The following CUBN variants were observed in gnomAD, a reference collection of about 807,000 sequenced individuals.
CUBN encodes the protein 460 kDa receptor.
CUBN carries 282 observed loss-of-function variants against 405.3 expected under a neutral mutation model. That is an observed-to-expected ratio of 0.70 (90% CI 0.63 to 0.77). The LOEUF (loss-of-function observed/expected upper bound fraction) is 0.77, where lower values mean the gene tolerates loss of function less well. Among genes scored for constraint, CUBN ranks in the 30% least tolerant of loss-of-function variants. The probability of loss-of-function intolerance (pLI) is 0.00; values close to 1 mark genes in which losing one functional copy is unlikely to be tolerated. For synonymous variants in CUBN, 1,684 were observed against 1,617.0 expected (o/e 1.04, Z -0.99); for missense variants, 4,514 against 4,475.2 (o/e 1.01, Z -0.25).
At chr10:17,052,049 CG>C (rs113043763) in intron 22 of CUBN, among the ~76,000 whole-genome samples, 2 of 151,628 alleles carry the variant, frequency 1.3e-5, no homozygotes, top group African/African-American at 4.8e-5. Flanking sequence ...CCAGTTGGGG[CG>C]GGGGGGAAGC....
chr10:17,017,135 A>T (rs1437870508), intron 28 of CUBN, among the ~76,000 whole-genome samples: 1 of 152,104 alleles, frequency 6.6e-6, no homozygotes, highest in Non-Finnish European at 1.5e-5. Flanking sequence ...CATCTGAAAG[A>T]CAAAACTGCC....
chr10:17,005,811 T>C (rs1311708353), intron 28 of CUBN, among the ~76,000 whole-genome samples: 1 of 152,180 alleles, frequency 6.6e-6, no homozygotes, highest in Non-Finnish European at 1.5e-5. Context: ...CCAAAATTCA[T>C]ATGTTGAAGT....
At chr10:17,074,570 C>T (rs1449049444) in intron 17 of CUBN, among the ~76,000 whole-genome samples, 1 of 152,172 alleles carries the variant, frequency 6.6e-6, no homozygotes, top group Non-Finnish European at 1.5e-5. Flanking sequence ...TCCAGGATTA[C>T]AAGTAGAGTG....
At chr10:16,992,836 T>C (rs1303334262) in intron 28 of CUBN, among the ~76,000 whole-genome samples, 3 of 152,336 alleles carry the variant, frequency 2.0e-5, no homozygotes, top group Admixed American at 6.5e-5. Flanking sequence ...AAATTAGATG[T>C]GCTGACATTG....
chr10:16,853,293 T>C (rs1053990003), intron 59 of CUBN, among the ~76,000 whole-genome samples: 1 of 152,238 alleles, frequency 6.6e-6, no homozygotes, highest in Admixed American at 6.5e-5. Flanking sequence ...GCTTGTATTC[T>C]ACACAAATAT....
intron 40 of CUBN, among the ~76,000 whole-genome samples, chr10:16,930,679 T>C (rs572513924): frequency 6.6e-6 from 1 of 152,278 alleles, no homozygotes; most frequent in Admixed American, 6.5e-5. Flanking sequence ...CTGATTCATT[T>C]TGAACCATGG....
chr10:16,980,916 T>C (rs1011371240), intron 31 of CUBN, among the ~76,000 whole-genome samples: 5 of 151,354 alleles, frequency 3.3e-5, no homozygotes, highest in Admixed American at 6.6e-5. Flanking sequence ...CCCTTCAAAA[T>C]AGAACTTCAT....
chr10:17,118,073 A>C (rs1836947152), intron 6 of CUBN, among the ~76,000 whole-genome samples: 1 of 152,114 alleles, frequency 6.6e-6, no homozygotes, highest in African/African-American at 2.4e-5. Flanking sequence ...CTTTCTCTTT[A>C]TCTCTCTCTT....
At chr10:17,026,506 G>A (rs558153703) in intron 27 of CUBN, among the ~76,000 whole-genome samples, 56 of 152,082 alleles carry the variant, frequency 3.7e-4, no homozygotes, top group South Asian at 2.3e-3. Flanking sequence ...GGTGGCGTAC[G>A]CCTGTAGTCC....
At chr10:16,901,777 C>T (rs1210468772) in intron 51 of CUBN, among the ~76,000 whole-genome samples, 1 of 150,644 alleles carries the variant, frequency 6.6e-6, no homozygotes, top group Non-Finnish European at 1.5e-5. Flanking sequence ...TCGCTTGAAT[C>T]AGAAGGTGGA....
intron 60 of CUBN, among the ~76,000 whole-genome samples, chr10:16,849,971 T>C (rs1247961557): frequency 6.6e-6 from 1 of 152,240 alleles, no homozygotes; most frequent in Non-Finnish European, 1.5e-5. Flanking sequence ...TAGGCCATCT[T>C]ATTTCTTGCT....
At position 17,085,659 on chromosome 10, in the gene CUBN, T is replaced by A; in HGVS notation, c.2048A>T (p.His683Leu). The A allele has an allele frequency of 6.2e-7, 1 of 1,614,086 alleles. No individual in the cohort carries two copies. The highest frequency in any genetic ancestry group is 1.7e-5 in the Admixed American group (1 of 60,018). Residue 683 changes from histidine to leucine, a missense_variant, in exon 16 of 67, where the codon CAC becomes CTC. By Grantham distance (99) the His-to-Leu change is moderately conservative. Transcript: ENST00000377833. ...ACTAATCTGGGAGTCTGAATGGAAG[T>A]GAATTCTGGCAAAGGGGCCAGTAGT... ...LQTTGPFARI[H>L]FHSDSQISDQ...
intron 52 of CUBN, 51 bp from the exon 53 acceptor site, chr10:16,900,901 C>G (rs370260113): frequency 8.3e-6 from 10 of 1,198,290 alleles, no homozygotes; most frequent in African/African-American, 3.0e-5. Context: ...TCAACTGTTA[C>G]GAAGATAAGG....
intron 31 of CUBN, among the ~76,000 whole-genome samples, chr10:16,981,667 G>A (rs1173402457): frequency 6.6e-6 from 1 of 152,128 alleles, no homozygotes; most frequent in South Asian, 2.1e-4. Flanking sequence ...TCCCACCAGA[G>A]ATGAGGGACC....
At chr10:17,045,593 C>A (rs979144148) in intron 24 of CUBN, among the ~76,000 whole-genome samples, 2 of 151,976 alleles carry the variant, frequency 1.3e-5, no homozygotes, top group African/African-American at 4.8e-5. Flanking sequence ...CTATGTTGGC[C>A]AGGCTGGTTT....
At chr10:17,043,800 ACTT>A (rs775671763) in intron 26 of CUBN, 24 bp downstream of exon 26, 159 of 1,611,154 alleles carry the variant, frequency 9.9e-5, no homozygotes, top group Admixed American at 4.5e-4. Context: ...CAGTATACAC[ACTT>A]ACTCTGCCGG....
At chr10:17,056,119 T>C (rs904589303) in intron 22 of CUBN, among the ~76,000 whole-genome samples, 4 of 152,098 alleles carry the variant, frequency 2.6e-5, no homozygotes, top group Non-Finnish European at 1.5e-5. Flanking sequence ...GACCTACACA[T>C]GAACACAGGC....
intron 44 of CUBN, 63 bp from the exon 45 acceptor site, chr10:16,918,863 C>A (rs1262065381): frequency 7.1e-7 from 1 of 1,403,258 alleles, no homozygotes; most frequent in East Asian, 2.4e-5. Flanking sequence ...ATAATGACAA[C>A]CTTACTTACT....
In CUBN at chr10:16,915,103, A is replaced by G. The variant is rs748384713; in HGVS notation, c.7280T>C (p.Val2427Ala). The change falls in exon 47 of 67, where the codon GTG (valine) becomes GCG (alanine). Residue 2427 changes from valine to alanine, a missense_variant. Around this residue, in one of 5 missense-constraint regions of CUBN, gnomAD observed 1,613 missense variants for 1,542.8 expected, o/e 1.05. Coordinates refer to ENST00000377833, the MANE Select transcript of CUBN (RefSeq NM_001081.4). ...AGAGCCGTCTGTGACAAACCTGACC[A>G]CAGCAGTATTGCTAGAAGTGTCTAT... ...DSIDTSSNTA[V>A]VRFVTDGSVT... is the part of the protein sequence containing the mutation. 3.1e-6 allele frequency: 5 copies of G among 1,614,158 alleles called. No homozygotes were observed. Among genetic ancestry groups the G allele is most frequent in the Admixed American group, 3.3e-5 (2 of 60,022 alleles).
Sources: allele counts gnomAD v4.1 joint callset (sites outside exome capture counted in the v4.1 genomes callset), GRCh38; gene constraint gnomAD v4.1.1; regional missense constraint gnomAD v4.1.1; transcripts MANE v1.5; gene names NCBI Gene and HGNC (gene_info 2026-07-23, HGNC 2026-07-21).